VAT1L: variants seen among roughly 807,000 people sequenced by gnomAD.
The protein encoded by VAT1L is putative NADPH-dependent quinone oxidoreductase VAT1L.
A neutral mutation model predicts 44.1 loss-of-function variants in VAT1L; 34 were observed. The observed-to-expected ratio is 0.77, with a 90% CI of 0.59 to 1.03. The LOEUF (loss-of-function observed/expected upper bound fraction) is 1.03. Among genes scored for constraint, VAT1L ranks in the 50% least tolerant of loss-of-function variants. The pLI is 0.00. For missense variants in VAT1L, 615 were observed against 538.8 expected (o/e 1.14, Z -1.40); for synonymous variants, 253 against 202.2 (o/e 1.25, Z -2.13).
chr16:77,956,080 T>A (rs910329351), intron 7 of VAT1L, among the ~76,000 whole-genome samples: 1 of 152,146 alleles, frequency 6.6e-6, no homozygotes, highest in Non-Finnish European at 1.5e-5. Flanking sequence ...AAGAGTATAA[T>A]TGGATTGTTT....
chr16:77,835,632 G>C (rs999264930), intron 3 of VAT1L, among the ~76,000 whole-genome samples: 6 of 152,126 alleles, frequency 3.9e-5, no homozygotes, highest in Non-Finnish European at 8.8e-5. Context: ...CAACACTTTA[G>C]GAGGCCAAAG....
At chr16:77,931,183 A>G (rs1185050670) in intron 7 of VAT1L, among the ~76,000 whole-genome samples, 1 of 152,224 alleles carries the variant, frequency 6.6e-6, no homozygotes, top group Non-Finnish European at 1.5e-5. Flanking sequence ...AGAAGTTTTA[A>G]TAAACTTTCT....
intron 3 of VAT1L, among the ~76,000 whole-genome samples, chr16:77,837,049 G>GT (rs1227977120): frequency 7.1e-6 from 1 of 139,884 alleles, no homozygotes; most frequent in African/African-American, 2.7e-5. Flanking sequence ...GGAAGAGCTG[G>GT]CATGTGCACT....
At position 77,975,791 on chromosome 16, in the gene VAT1L, C is replaced by A. The variant is rs529533944; in HGVS notation, c.1162-1806C>A. Among the ~76,000 whole-genome samples, 40 of 152,334 alleles carry A rather than the reference C, an allele frequency of 2.6e-4. No individual in the cohort carries two copies. The South Asian group carries it at 3.3e-3, about 13-fold the overall frequency. On this transcript the variant is annotated intron_variant, in intron 8 of 8. Coordinates refer to ENST00000302536, the MANE Select transcript of VAT1L (RefSeq NM_020927.3). ...GGTCAGAGCAGAGGCAGAACTGCTG[C>A]CTCCAGACCCCACAGTACCAGCGGG...
intron 3 of VAT1L, among the ~76,000 whole-genome samples, chr16:77,843,090 G>A (rs1403823790): frequency 6.6e-6 from 1 of 152,158 alleles, no homozygotes; most frequent in Non-Finnish European, 1.5e-5. Context: ...CACTCAGATA[G>A]GTCCTTCTCA....
chr16:77,955,729 C>CAAA (rs61334608), intron 7 of VAT1L, among the ~76,000 whole-genome samples: 23,571 of 137,164 alleles, frequency 0.17, 2,290 homozygotes, highest in South Asian at 0.25. Context: ...TCCCCCCCCC[C>CAAA]AAAAAAAAAA....
At position 77,788,649 on chromosome 16, in the gene VAT1L, A is replaced by C. The variant is rs1268523673; in HGVS notation, c.-34A>C. On this transcript the variant is annotated 5_prime_UTR_variant, in exon 1 of 9. Coordinates refer to ENST00000302536, the MANE Select transcript of VAT1L (RefSeq NM_020927.3). ...CCCCAGCGCCGCAGCCACCGCAGCC[A>C]CCGCAGCCCGTGCGCCCCGCGCCCT... 1 of 1,544,940 alleles carries C rather than the reference A, an allele frequency of 6.5e-7. No individual in the cohort carries two copies. Among genetic ancestry groups the C allele is most frequent in the South Asian group, 1.2e-5 (1 of 83,790 alleles).
At chr16:77,953,232 G>A (rs928642281) in intron 7 of VAT1L, among the ~76,000 whole-genome samples, 2 of 152,130 alleles carry the variant, frequency 1.3e-5, no homozygotes, top group African/African-American at 4.8e-5. Flanking sequence ...CTGACATTTG[G>A]ATTTCAGACT....
At chr16:77,908,125 G>C (rs2017457388) in intron 7 of VAT1L, among the ~76,000 whole-genome samples, 1 of 151,948 alleles carries the variant, frequency 6.6e-6, no homozygotes, top group South Asian at 2.1e-4. Context: ...TGTAGTCCCA[G>C]CTACTCGGGA....
chr16:77,839,829 G>A (rs1290693332), intron 3 of VAT1L, among the ~76,000 whole-genome samples: 1 of 152,134 alleles, frequency 6.6e-6, no homozygotes, highest in African/African-American at 2.4e-5. Flanking sequence ...CTCATTGCAT[G>A]GAGGTGCTTT....
At chr16:77,940,701 C>T (rs2017871766) in intron 7 of VAT1L, among the ~76,000 whole-genome samples, 2 of 152,114 alleles carry the variant, frequency 1.3e-5, no homozygotes, top group South Asian at 2.1e-4. Flanking sequence ...CTCAATGATA[C>T]ATCCATAATT....
chr16:77,886,854 T>C (rs562458031), intron 7 of VAT1L, among the ~76,000 whole-genome samples: 1 of 152,358 alleles, frequency 6.6e-6, no homozygotes, highest in East Asian at 1.9e-4. Context: ...AAGAGACTTT[T>C]TAGATATTAT....
At chr16:77,871,761 T>G (rs376490) in intron 4 of VAT1L, among the ~76,000 whole-genome samples, 60,658 of 151,934 alleles carry the variant, frequency 0.4, 14,588 homozygotes, top group Middle Eastern at 0.53. Context: ...ACTTACGAAC[T>G]TCTTAGCATT....
intron 3 of VAT1L, among the ~76,000 whole-genome samples, chr16:77,833,886 G>C (rs1036512467): frequency 6.6e-6 from 1 of 152,162 alleles, no homozygotes; most frequent in African/African-American, 2.4e-5. Flanking sequence ...TTCATACAAA[G>C]AATTCCGGAC....
intron 5 of VAT1L, among the ~76,000 whole-genome samples, chr16:77,878,893 C>T (rs1014578804): frequency 1.3e-5 from 2 of 152,132 alleles, no homozygotes; most frequent in East Asian, 1.9e-4. Flanking sequence ...TTTATTCAAA[C>T]GTTGGCCTAC....
chr16:77,839,055 T>C (rs1472174397), intron 3 of VAT1L, among the ~76,000 whole-genome samples: 1 of 152,114 alleles, frequency 6.6e-6, no homozygotes, highest in Non-Finnish European at 1.5e-5. Flanking sequence ...TAGTCATCGA[T>C]GGCAGTGGTA....
intron 7 of VAT1L, among the ~76,000 whole-genome samples, chr16:77,927,432 T>G (rs1200376191): frequency 6.6e-6 from 1 of 151,632 alleles, no homozygotes; most frequent in Non-Finnish European, 1.5e-5. Flanking sequence ...GCTCAGCAAC[T>G]AGTAAGAAGT....
chr16:77,921,552 T>C (rs948858425), intron 7 of VAT1L, among the ~76,000 whole-genome samples: 1 of 152,204 alleles, frequency 6.6e-6, no homozygotes, highest in Admixed American at 6.5e-5. Flanking sequence ...AAGTCAGATA[T>C]GCACTCTCCT....
chr16:77,857,382 A>G (rs2169767), intron 3 of VAT1L, among the ~76,000 whole-genome samples: 68,955 of 151,960 alleles, frequency 0.45, 16,684 homozygotes, highest in East Asian at 0.74. Flanking sequence ...GGGAGAATAC[A>G]GATTTTCTAT....
Sources: allele counts gnomAD v4.1 joint callset (sites outside exome capture counted in the v4.1 genomes callset), GRCh38; gene constraint gnomAD v4.1.1; transcripts MANE v1.5; gene names NCBI Gene and HGNC (gene_info 2026-07-23, HGNC 2026-07-21).